The following KCNMB2 variants were observed in gnomAD, a reference collection of about 807,000 sequenced individuals.
The protein encoded by KCNMB2 is calcium-activated potassium channel subunit beta-2.
In KCNMB2, 9 loss-of-function variants were observed where a neutral mutation model predicts 24.5. The observed-to-expected ratio is 0.37, with a 90% CI of 0.22 to 0.64. KCNMB2 has a LOEUF of 0.64. Ranked by LOEUF, KCNMB2 falls within the 30% of genes least tolerant of loss-of-function variation. KCNMB2 has a pLI of 0.63. For missense variants in KCNMB2, 226 were observed against 284.3 expected, an observed-to-expected ratio of 0.79 and a Z score of 1.47; for synonymous variants, 109 against 104.4, an observed-to-expected ratio of 1.04 and a Z score of -0.27.
At position 178,639,177 on chromosome 3, in the gene KCNMB2, ATC is replaced by A. The variant is rs550580820; in HGVS notation, c.-68+102468_-68+102469del. On this transcript the variant is annotated intron_variant, in intron 1 of 4. Coordinates refer to ENST00000452583, the MANE Select transcript of KCNMB2 (RefSeq NM_181361.3). ...AAAATAATTCCAGTTGATATATATGATCTGTTTTATACACCTTGTAATGTATT... is the reference window on the plus strand; with the variant it reads ...AAAATAATTCCAGTTGATATATATGATGTTTTATACACCTTGTAATGTATT... 5.9e-4 allele frequency among the ~76,000 whole-genome samples: 90 copies of A among 152,290 alleles called. 1 individual carries two copies. Among genetic ancestry groups the A allele is most frequent in the African/African-American group, 2.2e-3 (90 of 41,574 alleles).
chr3:178,833,252 G>A (rs1715108580), intron 4 of KCNMB2, among the ~76,000 whole-genome samples: 1 of 152,084 alleles, frequency 6.6e-6, no homozygotes, highest in Admixed American at 6.6e-5. Context: ...AGCTTGATAG[G>A]CCCACAATCA....
At chr3:178,697,321 A>G (rs565452143) in intron 1 of KCNMB2, among the ~76,000 whole-genome samples, 59 of 152,194 alleles carry the variant, frequency 3.9e-4, no homozygotes, top group Non-Finnish European at 1.9e-4. Flanking sequence ...GGATAGTTAG[A>G]TCTTCTTGTT....
chr3:178,792,155 T>C (rs1056402389), intron 1 of KCNMB2, among the ~76,000 whole-genome samples: 4 of 152,164 alleles, frequency 2.6e-5, no homozygotes, highest in African/African-American at 9.7e-5. Context: ...GACTAAAAGA[T>C]AAACCTATCA....
At chr3:178,702,915 C>A (rs1176155109) in intron 1 of KCNMB2, among the ~76,000 whole-genome samples, 3 of 152,100 alleles carry the variant, frequency 2.0e-5, no homozygotes, top group Non-Finnish European at 4.4e-5. Context: ...CTTCCTGCAA[C>A]TTTATCATCA....
chr3:178,713,616 T>C (rs954171076), intron 1 of KCNMB2, among the ~76,000 whole-genome samples: 1 of 152,074 alleles, frequency 6.6e-6, no homozygotes, highest in African/African-American at 2.4e-5. Context: ...GCCTGCCCCC[T>C]ACCTCCACTC....
chr3:178,590,299 T>A (rs551452085), intron 1 of KCNMB2, among the ~76,000 whole-genome samples: 164 of 152,282 alleles, frequency 1.1e-3, no homozygotes, highest in Admixed American at 1.8e-3. Context: ...GTACATTTTT[T>A]ATCCATTTTT....
At chr3:178,793,857 TAC>T (rs1713426869) in intron 1 of KCNMB2, among the ~76,000 whole-genome samples, 1 of 152,042 alleles carries the variant, frequency 6.6e-6, no homozygotes, top group South Asian at 2.1e-4. Context: ...CCTCCCAGTC[TAC>T]AGTGTGTTGG....
chr3:178,822,440 C>G (rs938210740), intron 2 of KCNMB2, among the ~76,000 whole-genome samples: 36 of 152,192 alleles, frequency 2.4e-4, no homozygotes, highest in Admixed American at 6.5e-4. Flanking sequence ...TTTTTCACCC[C>G]ACGCTGATAT....
rs539122557 is a variant in KCNMB2 at position 178,776,959 on chromosome 3, G to A, written c.-67-30384G>A. Among the ~76,000 whole-genome samples, 7 of 152,086 alleles carry A rather than the reference G, an allele frequency of 4.6e-5. No homozygotes were observed. The East Asian group carries it at 9.7e-4, about 21-fold the overall frequency. ...AAATACCTATCTTATGGGGGTTTCC[G>A]GCAACTACATTAATTAAAATATACA... On this transcript the variant is annotated intron_variant, in intron 1 of 4. Transcript: ENST00000452583.
In KCNMB2 at chr3:178,542,134, C is replaced by T. The variant is rs1272144388; in HGVS notation, c.-68+5423C>T. On this transcript the variant is annotated intron_variant, in intron 1 of 4. Coordinates refer to ENST00000452583, the MANE Select transcript of KCNMB2 (RefSeq NM_181361.3). ...CACCATTGATCCATCTGTAAGGGCG[C>T]ATCCTTCTATAGAAGTAACTTGTCT... 2.6e-5 allele frequency among the ~76,000 whole-genome samples: 4 copies of T among 152,200 alleles called. 1 individual carries two copies. Among genetic ancestry groups the T allele is most frequent in the Admixed American group, 1.3e-4 (2 of 15,282 alleles).
intron 1 of KCNMB2, among the ~76,000 whole-genome samples, chr3:178,567,218 T>C (rs1266959149): frequency 6.6e-6 from 1 of 152,078 alleles, no homozygotes; most frequent in Non-Finnish European, 1.5e-5. Context: ...AGAGTACACA[T>C]GTGTGAGAGC....
At chr3:178,548,785 A>C (rs1231418294) in intron 1 of KCNMB2, among the ~76,000 whole-genome samples, 1 of 152,216 alleles carries the variant, frequency 6.6e-6, no homozygotes, top group Non-Finnish European at 1.5e-5. Flanking sequence ...CTTGTAACAT[A>C]ATTATATGTA....
chr3:178,686,034 T>C (rs1369459588), intron 1 of KCNMB2, among the ~76,000 whole-genome samples: 1 of 151,580 alleles, frequency 6.6e-6, no homozygotes, highest in Non-Finnish European at 1.5e-5. Flanking sequence ...ACTGATTTTA[T>C]TGTGTGTGTG....
At chr3:178,733,849 A>G (rs1462045030) in intron 1 of KCNMB2, among the ~76,000 whole-genome samples, 1 of 152,196 alleles carries the variant, frequency 6.6e-6, no homozygotes, top group Non-Finnish European at 1.5e-5. Flanking sequence ...ATTCACAATA[A>G]AAGCAAAAAA....
chr3:178,564,585 TG>T (rs1452685135), intron 1 of KCNMB2, among the ~76,000 whole-genome samples: 1 of 152,192 alleles, frequency 6.6e-6, no homozygotes, highest in Non-Finnish European at 1.5e-5. Flanking sequence ...CAGTGCTAGG[TG>T]ATTTACATGC....
intron 1 of KCNMB2, among the ~76,000 whole-genome samples, chr3:178,586,392 G>T (rs1239474855): frequency 6.6e-6 from 1 of 151,990 alleles, no homozygotes; most frequent in East Asian, 1.9e-4. Context: ...CTAAAGATGA[G>T]CTCTTTTAGT....
chr3:178,758,730 C>CTA (rs1236638238), intron 1 of KCNMB2, among the ~76,000 whole-genome samples: 1 of 35,638 alleles, frequency 2.8e-5, no homozygotes, highest in African/African-American at 1.4e-4. Flanking sequence ...ATATATATCT[C>CTA]CAAGAGGAGA....
At chr3:178,590,321 A>G (rs1717619252) in intron 1 of KCNMB2, among the ~76,000 whole-genome samples, 1 of 152,114 alleles carries the variant, frequency 6.6e-6, no homozygotes, top group Admixed American at 6.6e-5. Context: ...TCCCCTTCAT[A>G]TACACACTAT....
intron 1 of KCNMB2, among the ~76,000 whole-genome samples, chr3:178,601,766 T>C (rs554588138): frequency 4.6e-5 from 7 of 152,258 alleles, no homozygotes; most frequent in African/African-American, 1.7e-4. Flanking sequence ...TTACCTAAGA[T>C]TTCCATGTTA....
Sources: gnomAD v4.1 joint callset for allele counts (sites outside exome capture counted in the v4.1 genomes callset) on GRCh38, gnomAD v4.1.1 for gene constraint, MANE v1.5 for transcripts, NCBI Gene and HGNC (gene_info 2026-07-23, HGNC 2026-07-21) for gene names.